Variants in PPP2R3A observed in about 807,000 individuals in gnomAD.
The protein encoded by PPP2R3A is serine/threonine-protein phosphatase 2A regulatory subunit B'' subunit alpha.
PPP2R3A carries 80 observed loss-of-function variants against 106.9 expected under a neutral mutation model. The ratio of observed to expected loss-of-function variants is 0.75; its 90% CI spans 0.62 to 0.90. The LOEUF (loss-of-function observed/expected upper bound fraction) is 0.90, where lower values mean the gene tolerates loss of function less well. Among genes scored for constraint, PPP2R3A ranks in the 40% least tolerant of loss-of-function variants. The pLI is 0.00. For missense variants in PPP2R3A, 1,386 were observed against 1,350.4 expected (o/e 1.03, Z -0.41); for synonymous variants, 483 against 468.3 (o/e 1.03, Z -0.41).
intron 3 of PPP2R3A, among the ~76,000 whole-genome samples, chr3:136,028,131 A>G (rs931027177): frequency 1.3e-5 from 2 of 152,102 alleles, no homozygotes; most frequent in Non-Finnish European, 2.9e-5. Context: ...GGGCTCTCAG[A>G]GTTCTCCCTC....
At chr3:136,125,189 G>A (rs1394974713) in intron 13 of PPP2R3A, among the ~76,000 whole-genome samples, 7 of 152,010 alleles carry the variant, frequency 4.6e-5, no homozygotes, top group East Asian at 1.9e-4. Flanking sequence ...GCATGGTAGC[G>A]CATGCCTGTA....
rs1048435613 is a variant in PPP2R3A at position 136,106,403 on chromosome 3, C to T, written c.3329+81C>T. ...AGTATTAAAACCCCCTTACAAAATC[C>T]TTTTCTGTTTTTTCCATTTTTGAAT... is the stretch of plus-strand genomic sequence containing the variant. On this transcript the variant is annotated intron_variant, in intron 13 of 13. Coordinates refer to ENST00000264977, the MANE Select transcript of PPP2R3A (RefSeq NM_002718.5). The T allele has an allele frequency of 6.4e-6, 8 of 1,242,364 alleles. No individual in the cohort carries two copies. The East Asian group carries it at 1.7e-4, about 27-fold the overall frequency. 77.0% of individuals were successfully genotyped at this position (1,242,364 alleles called of 1,614,324 possible).
intron 13 of PPP2R3A, among the ~76,000 whole-genome samples, chr3:136,138,304 G>A (rs1018049887): frequency 3.3e-5 from 5 of 152,076 alleles, no homozygotes; most frequent in Admixed American, 1.3e-4. Context: ...AATTCAGACC[G>A]CGTCCTTCCA....
intron 5 of PPP2R3A, among the ~76,000 whole-genome samples, chr3:136,064,266 G>A (rs1396739194): frequency 8.6e-6 from 1 of 116,792 alleles, no homozygotes; most frequent in Non-Finnish European, 1.7e-5. Flanking sequence ...GGGGACTGTT[G>A]TGGGGTGGGG....
chr3:136,127,826 A>C (rs9714103), intron 13 of PPP2R3A, among the ~76,000 whole-genome samples: 152,217 of 152,252 alleles, frequency 1, 76,091 homozygotes, highest in Middle Eastern at 1. Context: ...TGGCAGAAAC[A>C]CTACAAGCCA....
chr3:136,106,186 A>G, intron 12 of PPP2R3A, 30 bp from the exon 13 acceptor site: 1 of 1,565,368 alleles, frequency 6.4e-7, no homozygotes, highest in African/African-American at 1.4e-5. Flanking sequence ...GATTTTTTTT[A>G]TTTCTCGTGG....
chr3:136,102,024 G>T lies in PPP2R3A; in HGVS notation c.2945G>T (p.Arg982Leu). 8.7e-6 allele frequency: 14 copies of T among 1,613,558 alleles called. 2 individuals carry two copies. The South Asian group carries it at 1.5e-4, about 18-fold the overall frequency. ...TCATCTAGCATTGAGTATTGGTTCC[G>T]CTGCATGGATGTGGATGGAGACGGT... is the stretch of plus-strand genomic sequence containing the variant. ...RNPTSIEYWF[R>L]CMDVDGDGVL... Residue 982 changes from arginine to leucine, a missense_variant, in exon 11 of 14, where the codon CGC becomes CTC. Physicochemically the swap from Arg to Leu is moderately radical, Grantham distance 102 (BLOSUM62 -2). Transcript: ENST00000264977.
In PPP2R3A at chr3:136,147,169, C is replaced by G. The variant is rs1939170358; in HGVS notation, c.*2003C>G. On this transcript the variant is annotated 3_prime_UTR_variant, in exon 14 of 14. Coordinates refer to ENST00000264977, the MANE Select transcript of PPP2R3A (RefSeq NM_002718.5). ...GATCACTTGAGCCCAGGAGTAAAGACCAGCCTGGGCAACATAGTGAGACTC... is the reference window on the plus strand; with the variant it reads ...GATCACTTGAGCCCAGGAGTAAAGAGCAGCCTGGGCAACATAGTGAGACTC... 1 of 152,082 alleles carries G rather than the reference C, an allele frequency of 6.6e-6. No individual in the cohort carries two copies. The highest frequency in any genetic ancestry group is 1.5e-5 in the Non-Finnish European group (1 of 68,058). 9.4% of individuals were successfully genotyped at this position (152,082 alleles called of 1,614,324 possible). A position where few individuals can be genotyped will look rare whatever the true frequency, so the allele number is the denominator to read the frequency against.
At chr3:136,049,695 T>G (rs1057370143) in intron 5 of PPP2R3A, among the ~76,000 whole-genome samples, 2 of 152,172 alleles carry the variant, frequency 1.3e-5, no homozygotes, top group East Asian at 3.8e-4. Flanking sequence ...AATGATAGAA[T>G]GCAAGAAGAT....
intron 2 of PPP2R3A, chr3:136,023,138 G>C: frequency 1.2e-6 from 2 of 1,613,544 alleles, no homozygotes; most frequent in South Asian, 1.1e-5. Context: ...TCCTGGCAAG[G>C]GGCTGTGATT....
At chr3:136,126,361 CTCA>C (rs1320539910) in intron 13 of PPP2R3A, among the ~76,000 whole-genome samples, 1 of 152,242 alleles carries the variant, frequency 6.6e-6, no homozygotes, top group Non-Finnish European at 1.5e-5. Context: ...TGGAGCCTTG[CTCA>C]CTGCTAGCGC....
chr3:135,974,726 A>G (rs1326706882), intron 1 of PPP2R3A, among the ~76,000 whole-genome samples: 1 of 150,600 alleles, frequency 6.6e-6, no homozygotes, highest in East Asian at 1.9e-4. Flanking sequence ...TCCCACCCCA[A>G]CCCCCTAGAC....
At chr3:136,131,947 G>T (rs1419327030) in intron 13 of PPP2R3A, among the ~76,000 whole-genome samples, 3 of 149,600 alleles carry the variant, frequency 2.0e-5, no homozygotes, top group African/African-American at 7.4e-5. Flanking sequence ...TCACTCATAG[G>T]TGGGAATTGA....
chr3:136,032,218 T>C (rs74936768), intron 3 of PPP2R3A, among the ~76,000 whole-genome samples: 2 of 152,234 alleles, frequency 1.3e-5, no homozygotes. Context: ...GTTTTACTTG[T>C]AGAGGTCTTT....
intron 7 of PPP2R3A, 143 bp from the exon 8 acceptor site, chr3:136,082,122 T>G: frequency 1.6e-6 from 1 of 612,230 alleles, no homozygotes; most frequent in Non-Finnish European, 2.8e-6. Context: ...AAAGGTAGGA[T>G]GAGGTTGCCT....
chr3:136,100,444 G>A (rs1225129683), intron 10 of PPP2R3A, among the ~76,000 whole-genome samples: 2 of 151,976 alleles, frequency 1.3e-5, no homozygotes, highest in Non-Finnish European at 2.9e-5. Flanking sequence ...GGAGGCCTAG[G>A]CGGGCAGATC....
Position 136,094,125 on chromosome 3 carries a change from T to C in PPP2R3A, c.2927+3458T>C, listed in dbSNP as rs1408942435. 2.6e-5 allele frequency among the ~76,000 whole-genome samples: 4 copies of C among 152,336 alleles called. No homozygotes were observed. In the South Asian group the frequency reaches 6.2e-4, roughly 24 times the overall value. On this transcript the variant is annotated intron_variant, in intron 10 of 13. Transcript: ENST00000264977. ...AAGATGCCAGTCACAAGACACCACATACTGTATGAATTCATTTATATGAGT... is the reference window on the plus strand; with the variant it reads ...AAGATGCCAGTCACAAGACACCACACACTGTATGAATTCATTTATATGAGT...
intron 1 of PPP2R3A, among the ~76,000 whole-genome samples, chr3:135,978,924 A>G (rs1937494837): frequency 6.6e-6 from 1 of 151,912 alleles, no homozygotes; most frequent in South Asian, 2.1e-4. Flanking sequence ...CTTAAATATT[A>G]TCAGTATTAA....
intron 2 of PPP2R3A, among the ~76,000 whole-genome samples, chr3:136,005,389 T>G (rs1317677450): frequency 1.3e-5 from 2 of 152,214 alleles, no homozygotes; most frequent in Non-Finnish European, 2.9e-5. Context: ...CTGCTATTCT[T>G]CTGTGGACTT....
Sources: allele counts gnomAD v4.1 joint callset (sites outside exome capture counted in the v4.1 genomes callset), GRCh38; gene constraint gnomAD v4.1.1; transcripts MANE v1.5; gene names NCBI Gene and HGNC (gene_info 2026-07-23, HGNC 2026-07-21).